The following CX3CR1 variants were observed in gnomAD, a reference collection of about 807,000 sequenced individuals.
CX3CR1 encodes the protein C-X3-C motif chemokine receptor 1.
For missense variants in CX3CR1, 363 were observed against 432.4 expected (o/e 0.84, Z 1.42); for synonymous variants, 168 against 178.5 (o/e 0.94, Z 0.47).
At chr3:39,289,048 G>A in the CX3CR1 span, among the ~76,000 whole-genome samples, 74 of 152,198 alleles carry the variant, frequency 4.9e-4, no homozygotes, top group African/African-American at 1.6e-3. Context: ...CAGCTACTCA[G>A]GAGGCTGAGG....
intron 1 of CX3CR1, among the ~76,000 whole-genome samples, chr3:39,272,077 A>G (rs1293653004): frequency 6.6e-6 from 1 of 152,164 alleles, no homozygotes; most frequent in African/African-American, 2.4e-5. Context: ...AAATGAGAAG[A>G]CTTTGCAGTG....
intron 1 of CX3CR1, among the ~76,000 whole-genome samples, chr3:39,266,829 C>T (rs925603541): frequency 6.6e-6 from 1 of 151,840 alleles, no homozygotes; most frequent in Admixed American, 6.6e-5. Context: ...GTCACCCAGG[C>T]TGGAGTGCAG....
chr3:39,289,911 G>C, the CX3CR1 span, among the ~76,000 whole-genome samples: 1 of 152,172 alleles, frequency 6.6e-6, no homozygotes, highest in African/African-American at 2.4e-5. Flanking sequence ...TAGACTTCCA[G>C]CTTCCAGAAC....
At chr3:39,269,043 C>T (rs544085518) in intron 1 of CX3CR1, among the ~76,000 whole-genome samples, 63 of 152,020 alleles carry the variant, frequency 4.1e-4, no homozygotes, top group Admixed American at 9.2e-4. Flanking sequence ...GACATGCTTT[C>T]TTTTCAGATT....
the CX3CR1 span, among the ~76,000 whole-genome samples, chr3:39,291,400 A>G: frequency 6.6e-6 from 1 of 152,152 alleles, no homozygotes; most frequent in African/African-American, 2.4e-5. Flanking sequence ...CACGTGCAAC[A>G]TGTAGATTCA....
At chr3:39,269,575 G>A (rs2040750526) in intron 1 of CX3CR1, among the ~76,000 whole-genome samples, 1 of 152,224 alleles carries the variant, frequency 6.6e-6, no homozygotes, top group African/African-American at 2.4e-5. Context: ...AATGCTCTGG[G>A]CAGGATGGTT....
upstream of CX3CR1, chr3:39,286,223 G>A (rs1318895473): frequency 6.6e-6 from 1 of 152,280 alleles, no homozygotes; most frequent in Non-Finnish European, 1.5e-5. Context: ...ATAGTACAGT[G>A]CAGAGGTGAG....
At chr3:39,289,531 T>C in the CX3CR1 span, among the ~76,000 whole-genome samples, 1 of 152,222 alleles carries the variant, frequency 6.6e-6, no homozygotes, top group Non-Finnish European at 1.5e-5. Flanking sequence ...GGCAAAAATT[T>C]CTGAGTGACA....
chr3:39,275,284 T>G (rs2040826464), intron 1 of CX3CR1, among the ~76,000 whole-genome samples: 1 of 152,226 alleles, frequency 6.6e-6, no homozygotes, highest in South Asian at 2.1e-4. Flanking sequence ...CGTCATCTCT[T>G]TGAAATGTAA....
rs3732380 is a variant in CX3CR1 at position 39,266,071 on chromosome 3, C to T, written c.439G>A (p.Val147Ile). 9.6e-4 allele frequency: 1,555 copies of T among 1,614,188 alleles called. 21 individuals carry two copies. In the East Asian group the frequency reaches 0.027, roughly 28 times the overall value. ...SMNNRTVQHG[V>I]TISLGVWAAA... ...GCCCAGACGCCTAGGCTGATGGTGACGCCATGCTGCACGGTCCGGTTGTTC... is the reference window on the plus strand; with the variant it reads ...GCCCAGACGCCTAGGCTGATGGTGATGCCATGCTGCACGGTCCGGTTGTTC... Residue 147 changes from valine (V) to isoleucine (I), a missense_variant, in exon 2 of 2, where the codon GTC (valine) becomes ATC (isoleucine). By Grantham distance (29) the Val-to-Ile change is conservative. Coordinates refer to ENST00000399220, the MANE Select transcript of CX3CR1 (RefSeq NM_001337.4).
chr3:39,291,874 G>C, the CX3CR1 span, among the ~76,000 whole-genome samples: 2 of 152,230 alleles, frequency 1.3e-5, no homozygotes, highest in African/African-American at 4.8e-5. Context: ...GTTTCTCTAA[G>C]AGTCACTGAA....
At chr3:39,271,858 C>G (rs1269555030) in intron 1 of CX3CR1, among the ~76,000 whole-genome samples, 1 of 152,208 alleles carries the variant, frequency 6.6e-6, no homozygotes, top group Non-Finnish European at 1.5e-5. Context: ...CTGAGTGTAC[C>G]TCCTATTTGT....
chr3:39,278,617 T>C (rs2040864798), intron 1 of CX3CR1, among the ~76,000 whole-genome samples: 1 of 151,956 alleles, frequency 6.6e-6, no homozygotes. Flanking sequence ...TCAAGTTTTC[T>C]ACCTCAAGTA....
At chr3:39,273,845 G>T (rs974982536) in intron 1 of CX3CR1, among the ~76,000 whole-genome samples, 3 of 152,160 alleles carry the variant, frequency 2.0e-5, no homozygotes, top group African/African-American at 7.2e-5. Flanking sequence ...GACCAGGCTG[G>T]TCTTGAACAT....
Position 39,265,109 on chromosome 3 carries a change from A to G in CX3CR1, c.*333T>C, listed in dbSNP as rs986203990. On this transcript the variant is annotated 3_prime_UTR_variant, in exon 2 of 2. Transcript: ENST00000399220. The stretch of plus-strand genomic sequence containing the variant: ...TGGTTTCCCCTCACTTTGAGGGCTC[A>G]GACACCCTTTTGCTTGTGCCACAAT... 1 of 207,934 alleles carries G rather than the reference A, an allele frequency of 4.8e-6. No homozygotes were observed. Among genetic ancestry groups the G allele is most frequent in the Admixed American group, 5.5e-5 (1 of 18,166 alleles). 12.9% of individuals were successfully genotyped at this position (207,934 alleles called of 1,614,324 possible).
Position 39,265,766 on chromosome 3 carries a change from G to A in CX3CR1, c.744C>T (p.Asn248=), listed in dbSNP as rs201375349. ...IVFFLFWTPY[N]VMIFLETLKL... is the part of the protein sequence containing the mutation. ...TAAGCGTCTCCAGGAAAATCATAAC[G>A]TTGTAGGGTGTCCAGAAGAGGAAAA... Residue 248 remains asparagine (N), a synonymous_variant, in exon 2 of 2, where the codon AAC becomes AAT. Coordinates refer to ENST00000399220, the MANE Select transcript of CX3CR1 (RefSeq NM_001337.4). The A allele has an allele frequency of 1.5e-4, 240 of 1,614,174 alleles. 4 individuals are homozygous for A. In the South Asian group the frequency reaches 1.7e-3, roughly 11 times the overall value.
intron 1 of CX3CR1, among the ~76,000 whole-genome samples, chr3:39,270,465 C>T (rs2040762749): frequency 6.6e-6 from 1 of 152,140 alleles, no homozygotes. Context: ...GCTTAAAAAC[C>T]AAACAGTTTC....
chr3:39,278,641 TTTTTTTTTCTTTTC>T (rs1261448375), intron 1 of CX3CR1, among the ~76,000 whole-genome samples: 2 of 130,386 alleles, frequency 1.5e-5, no homozygotes, highest in Non-Finnish European at 3.2e-5. Flanking sequence ...CAAAAATTAA[TTTTTTTTTCTTTTC>T]TTTTTTTTTT....
chr3:39,267,642 T>C (rs2040721229), intron 1 of CX3CR1, among the ~76,000 whole-genome samples: 3 of 152,170 alleles, frequency 2.0e-5, no homozygotes, highest in Non-Finnish European at 4.4e-5. Context: ...GGTGTTGCCA[T>C]CATTCAGGAC....
Sources: gnomAD v4.1 joint callset for allele counts (sites outside exome capture counted in the v4.1 genomes callset) on GRCh38, gnomAD v4.1.1 for gene constraint, MANE v1.5 for transcripts, NCBI Gene and HGNC (gene_info 2026-07-23, HGNC 2026-07-21) for gene names.